The following RNF144B variants were observed in gnomAD, a reference collection of about 807,000 sequenced individuals.
RNF144B encodes ring finger protein 144B, also known as E3 ubiquitin-protein ligase RNF144B.
Under a neutral mutation model 40.2 loss-of-function variants are expected in RNF144B, and 25 were observed. That is an observed-to-expected ratio of 0.62 (90% CI 0.45 to 0.87). The LOEUF (loss-of-function observed/expected upper bound fraction) is 0.87. RNF144B is among the 40% of genes least tolerant of loss of function. The pLI is 0.00. For missense variants in RNF144B, 365 were observed against 373.7 expected, an observed-to-expected ratio of 0.98 and a Z score of 0.19; for synonymous variants, 145 against 136.3, an observed-to-expected ratio of 1.06 and a Z score of -0.44.
At chr6:18,432,739 T>A (rs1359536456) in intron 3 of RNF144B, among the ~76,000 whole-genome samples, 1 of 152,262 alleles carries the variant, frequency 6.6e-6, no homozygotes, top group African/African-American at 2.4e-5. Flanking sequence ...TGCCATTACA[T>A]GGCCTGAGAG....
intron 1 of RNF144B, 32 bp downstream of exon 1, chr6:18,387,662 G>A (rs1472997985): frequency 1.6e-6 from 2 of 1,288,564 alleles, no homozygotes; most frequent in Non-Finnish European, 2.0e-6. Flanking sequence ...AAGGCTACAG[G>A]CGTTGCAAGA....
rs1582439809 is a variant in RNF144B at position 18,448,250 on chromosome 6, G to A, written c.331+8506G>A. 6.6e-6 allele frequency among the ~76,000 whole-genome samples: 1 copy of A among 152,116 alleles called. No homozygotes were observed. Among genetic ancestry groups the A allele is most frequent in the African/African-American group, 2.4e-5 (1 of 41,428 alleles). On this transcript the variant is annotated intron_variant, in intron 4 of 7. Coordinates refer to ENST00000259939, the MANE Select transcript of RNF144B (RefSeq NM_182757.4). The surrounding 1 kb of genome is among the most constrained non-coding windows in gnomAD (Gnocchi z 4.0). Reference sequence around the variant, plus strand: ...GTAATTGCAGAAGCCAAATCCTTGAGAGTGTGAGGGGAACGGATTTCAGTG... The same window carrying A: ...GTAATTGCAGAAGCCAAATCCTTGAAAGTGTGAGGGGAACGGATTTCAGTG...
chr6:18,396,789 A>G, intron 1 of RNF144B: 1 of 985,414 alleles, frequency 1.0e-6, no homozygotes, highest in African/African-American at 1.7e-5. Flanking sequence ...AGCTGATGAC[A>G]GTTGTTTAAG....
At chr6:18,411,975 T>C (rs1394857010) in intron 2 of RNF144B, among the ~76,000 whole-genome samples, 2 of 152,214 alleles carry the variant, frequency 1.3e-5, no homozygotes, top group African/African-American at 4.8e-5. Flanking sequence ...TAGTGTTCTA[T>C]GATATGGTTG....
intron 2 of RNF144B, among the ~76,000 whole-genome samples, chr6:18,402,615 A>T (rs1302639182): frequency 4.1e-5 from 1 of 24,266 alleles, no homozygotes; most frequent in Non-Finnish European, 1.3e-4. Flanking sequence ...AATCTTGTTT[A>T]GCTTCTTCTG....
intron 2 of RNF144B, chr6:18,402,011 C>T (rs1794810175): frequency 1.1e-5 from 1 of 88,074 alleles, no homozygotes; most frequent in Admixed American, 1.2e-4. Context: ...TCTCATGTGA[C>T]TGGGAGAAGC....
rs1320134184 is a variant in RNF144B, at chr6:18,422,373, A to C, written c.166-5208A>C. Among the ~76,000 whole-genome samples the C allele has an allele frequency of 3.3e-5, 5 of 152,180 alleles. No homozygotes were observed. On this transcript the variant is annotated intron_variant, in intron 2 of 7. Transcript: ENST00000259939. The surrounding 1 kb of genome is among the most constrained non-coding windows in gnomAD (Gnocchi z 4.7). ...TGGAAACATTGTGATGTCATTGTGCACTGAGGCAGGGAAATGTTAGTCTAC... is the reference window on the plus strand; with the variant it reads ...TGGAAACATTGTGATGTCATTGTGCCCTGAGGCAGGGAAATGTTAGTCTAC...
At chr6:18,389,653 C>T (rs1794543035) in intron 1 of RNF144B, among the ~76,000 whole-genome samples, 1 of 152,100 alleles carries the variant, frequency 6.6e-6, no homozygotes, top group Admixed American at 6.6e-5. Context: ...AGATAGAGGT[C>T]AGGAATCATG....
At position 18,395,316 on chromosome 6, in the gene RNF144B, C is replaced by T. The variant is rs969457023; in HGVS notation, c.-36-4183C>T. On this transcript the variant is annotated intron_variant, in intron 1 of 7. Transcript: ENST00000259939. The surrounding 1 kb of genome is among the most constrained non-coding windows in gnomAD (Gnocchi z 4.5). ...CTTGTGCCCCTGTGAAGTTGTGGCC[C>T]AATGGGAGGGACAGGAGGAGCTGGG... 4.6e-5 allele frequency among the ~76,000 whole-genome samples: 7 copies of T among 152,058 alleles called. No individual in the cohort carries two copies. Among genetic ancestry groups the T allele is most frequent in the Admixed American group, 2.0e-4 (3 of 15,272 alleles).
At chr6:18,431,841 C>T (rs17684036) in intron 3 of RNF144B, among the ~76,000 whole-genome samples, 18,988 of 152,198 alleles carry the variant, frequency 0.12, 1,359 homozygotes, top group Admixed American at 0.19. Flanking sequence ...GTTGGCTGTG[C>T]TCCATGTACC....
At chr6:18,439,561 AGGTTTGCAAACAATT>A in intron 3 of RNF144B, 108 bp from the exon 4 acceptor site, 1 of 679,664 alleles carries the variant, frequency 1.5e-6, no homozygotes, top group South Asian at 1.8e-5. Flanking sequence ...GGAGAAAAAG[AGGTTTGCAAACAATT>A]GGTGTAGAGA....
At chr6:18,409,580 T>TTA (rs1554173755) in intron 2 of RNF144B, among the ~76,000 whole-genome samples, 2,848 of 139,254 alleles carry the variant, frequency 0.02, 69 homozygotes, top group Middle Eastern at 0.045. Context: ...TTTTTTTTTT[T>TTA]ACTTTTTGAG....
Position 18,425,184 on chromosome 6 carries a change from T to C in RNF144B, c.166-2397T>C, listed in dbSNP as rs16880668. Among the ~76,000 whole-genome samples the C allele has an allele frequency of 0.038, 5,788 of 152,298 alleles. 233 individuals carry two copies. Among genetic ancestry groups the C allele is most frequent in the South Asian group, 0.16 (789 of 4,826 alleles). On this transcript the variant is annotated intron_variant, in intron 2 of 7. Transcript: ENST00000259939. The surrounding 1 kb of genome is among the most constrained non-coding windows in gnomAD (Gnocchi z 4.2). ...ATTTTCCCATTGTCACCTAGTAAAG[T>C]GGACCCTCCACCCAGGTGTTAGGAT... is the stretch of plus-strand genomic sequence containing the variant.
At chr6:18,433,988 G>C (rs773156589) in intron 3 of RNF144B, among the ~76,000 whole-genome samples, 1 of 152,156 alleles carries the variant, frequency 6.6e-6, no homozygotes, top group African/African-American at 2.4e-5. Context: ...CCCAAACCTT[G>C]ACAGGTTGTA....
In RNF144B at chr6:18,459,067, AGT is replaced by A. The variant is rs1175599964; in HGVS notation, c.537-537_537-536del. Among the ~76,000 whole-genome samples the A allele has an allele frequency of 6.6e-6, 1 of 151,038 alleles. No homozygotes were observed. Among genetic ancestry groups the A allele is most frequent in the African/African-American group, 2.4e-5 (1 of 40,954 alleles). ...GGTGGTTTTGATGGGCAGTAGCTAA[AGT>A]GTTACATGGTGCTATCGCTCACTCC... is the stretch of plus-strand genomic sequence containing the variant. On this transcript the variant is annotated intron_variant, in intron 5 of 7. Coordinates refer to ENST00000259939, the MANE Select transcript of RNF144B (RefSeq NM_182757.4). The surrounding 1 kb of genome is among the most constrained non-coding windows in gnomAD (Gnocchi z 4.2).
At chr6:18,409,582 C>CTTTTTTTTTTTTT (rs1044495097) in intron 2 of RNF144B, among the ~76,000 whole-genome samples, 15 of 45,944 alleles carry the variant, frequency 3.3e-4, no homozygotes, top group African/African-American at 4.0e-4. Context: ...TTTTTTTTTA[C>CTTTTTTTTTTTTT]TTTTTGAGAT....
chr6:18,428,359 T>A (rs1162186636), intron 3 of RNF144B, among the ~76,000 whole-genome samples: 1 of 152,170 alleles, frequency 6.6e-6, no homozygotes, highest in Admixed American at 6.5e-5. Context: ...ACCCTAAAGA[T>A]AAATAGACCA....
At chr6:18,408,603 A>G (rs1433176774) in intron 2 of RNF144B, among the ~76,000 whole-genome samples, 1 of 152,156 alleles carries the variant, frequency 6.6e-6, no homozygotes, top group Non-Finnish European at 1.5e-5. Flanking sequence ...CTTATGGAAC[A>G]ATGACTGATT....
At position 18,463,403 on chromosome 6, in the gene RNF144B, G is replaced by A. The variant is rs748667744; in HGVS notation, c.771+23G>A. On this transcript the variant is annotated intron_variant, in intron 7 of 7. Coordinates refer to ENST00000259939, the MANE Select transcript of RNF144B (RefSeq NM_182757.4). ...CAGGTACCCTGACCTTATAGGGAGC[G>A]TGACATAAACCAAAATCGTGATGGC... 4.8e-5 allele frequency: 71 copies of A among 1,470,726 alleles called. No individual in the cohort carries two copies. In the South Asian group the frequency reaches 5.7e-4, roughly 12 times the overall value. 91.1% of individuals were successfully genotyped at this position (1,470,726 alleles called of 1,614,324 possible).
Sources: allele counts gnomAD v4.1 joint callset (sites outside exome capture counted in the v4.1 genomes callset), GRCh38; gene constraint gnomAD v4.1.1; non-coding constraint Gnocchi (gnomAD v3.1); transcripts MANE v1.5; gene names NCBI Gene and HGNC (gene_info 2026-07-23, HGNC 2026-07-21).